Variants in PI4K2B observed in about 807,000 individuals in gnomAD.
PI4K2B encodes the protein phosphatidylinositol 4-kinase type 2-beta.
Under a neutral mutation model 56.6 loss-of-function variants are expected in PI4K2B, and 46 were observed. That is an observed-to-expected ratio of 0.81 (90% CI 0.64 to 1.04). The LOEUF is 1.04. Among genes scored for constraint, PI4K2B ranks in the 50% least tolerant of loss-of-function variants. The probability of loss-of-function intolerance (pLI) is 0.00; values close to 1 mark genes in which losing one functional copy is unlikely to be tolerated. For missense variants in PI4K2B, 556 were observed against 607.7 expected (o/e 0.91, Z 0.89); for synonymous variants, 211 against 223.8 (o/e 0.94, Z 0.51).
chr4:25,268,673 T>G (rs1716756133), intron 8 of PI4K2B, 97 bp downstream of exon 8: 1 of 779,368 alleles, frequency 1.3e-6, no homozygotes, highest in Admixed American at 3.3e-5. Flanking sequence ...ATTTCTTGTA[T>G]TGCTGCTTGC....
chr4:25,251,295 TGA>T (rs1716039556), intron 1 of PI4K2B, among the ~76,000 whole-genome samples: 2 of 152,088 alleles, frequency 1.3e-5, no homozygotes, highest in Non-Finnish European at 2.9e-5. Context: ...GATCCTCTCC[TGA>T]GAGAGAGGAT....
chr4:25,252,087 A>C (rs1716080222), intron 1 of PI4K2B, among the ~76,000 whole-genome samples: 1 of 152,122 alleles, frequency 6.6e-6, no homozygotes, highest in South Asian at 2.1e-4. Flanking sequence ...TCAGCCTCCT[A>C]AAGTGCTGGG....
chr4:25,256,605 CA>C lies in PI4K2B; in HGVS notation c.692del (p.Lys231SerfsTer4). The C allele has an allele frequency of 6.2e-7, 1 of 1,613,334 alleles. No individual in the cohort carries two copies. The highest frequency in any genetic ancestry group is 8.5e-7 in the Non-Finnish European group (1 of 1,179,650). On this transcript the variant is annotated frameshift_variant, in exon 4 of 10. Transcript: ENST00000264864. LOFTEE classifies it high-confidence loss of function. Reference sequence around the variant, plus strand: ...CGATTGACCGTGCAAAATCAAGAGGCAAAAAGTATGCTTTAGAAAAAGTGCC... The same window carrying C: ...CGATTGACCGTGCAAAATCAAGAGGCAAAAGTATGCTTTAGAAAAAGTGCC... ...NAIDRAKSRG[K>X]KYALEKVPKV... is the part of the protein sequence containing the mutation.
intron 3 of PI4K2B, among the ~76,000 whole-genome samples, chr4:25,255,589 A>T (rs1716234716): frequency 1.3e-5 from 2 of 152,224 alleles, no homozygotes; most frequent in Admixed American, 1.3e-4. Context: ...AAAGACTTGT[A>T]TTGTCCTTTC....
rs111726392 is a variant in PI4K2B at position 25,274,918 on chromosome 4, C to G, written c.1273-2096C>G. Among the ~76,000 whole-genome samples, 511 of 152,252 alleles carry G rather than the reference C, an allele frequency of 3.4e-3. 4 individuals are homozygous for G. Among genetic ancestry groups the G allele is most frequent in the African/African-American group, 0.011 (467 of 41,536 alleles). ...TCAAGCGATCCTTGTGCCCCAGCCT[C>G]CCTGATAGCTGGGATTACAGGCATG... On this transcript the variant is annotated intron_variant, in intron 9 of 9. Transcript: ENST00000264864.
chr4:25,240,966 C>T (rs1560366229), intron 1 of PI4K2B, among the ~76,000 whole-genome samples: 2 of 152,152 alleles, frequency 1.3e-5, no homozygotes, highest in South Asian at 4.1e-4. Flanking sequence ...TGGTCTTTCC[C>T]TGCCTCTGCC....
rs1192458566 is a variant in PI4K2B, at chr4:25,277,307, G to A, written c.*120G>A. Reference sequence around the variant, plus strand: ...AAAACCTCAATTTAAGTCTTTAAAAGGTTGTATTTTGAATGTAACCAAAAG... The same window carrying A: ...AAAACCTCAATTTAAGTCTTTAAAAAGTTGTATTTTGAATGTAACCAAAAG... On this transcript the variant is annotated 3_prime_UTR_variant, in exon 10 of 10. Transcript: ENST00000264864. 8.1e-7 allele frequency: 1 copy of A among 1,228,576 alleles called. No homozygotes were observed. The highest frequency in any genetic ancestry group is 1.1e-6 in the Non-Finnish European group (1 of 940,768). The allele number at this position is 1,228,576 out of a possible 1,614,324, so 76.1% of individuals were successfully genotyped here.
rs758355155 is a variant in PI4K2B at position 25,256,629 on chromosome 4, G to A, written c.711G>A (p.Val237=). 7.4e-6 allele frequency: 12 copies of A among 1,613,762 alleles called. No homozygotes were observed. The African/African-American group carries it at 9.3e-5, about 13-fold the overall frequency. The change falls in exon 4 of 10, where the codon GTG becomes GTA. Residue 237 remains valine, a synonymous_variant. Coordinates refer to ENST00000264864, the MANE Select transcript of PI4K2B (RefSeq NM_018323.4). ...SRGKKYALEK[V]PKVGRKFHRI... ...GCAAAAAGTATGCTTTAGAAAAAGTGCCAAAAGTGGGTAGAAAGTTTCATA... is the reference window on the plus strand; with the variant it reads ...GCAAAAAGTATGCTTTAGAAAAAGTACCAAAAGTGGGTAGAAAGTTTCATA...
intron 2 of PI4K2B, chr4:25,254,231 G>A (rs181630096): frequency 6.5e-6 from 1 of 154,196 alleles, no homozygotes; most frequent in East Asian, 1.9e-4. Flanking sequence ...CTGTTCATCA[G>A]ATACTGTTCT....
chr4:25,240,578 G>A (rs1715473998), intron 1 of PI4K2B, among the ~76,000 whole-genome samples: 1 of 152,146 alleles, frequency 6.6e-6, no homozygotes, highest in Non-Finnish European at 1.5e-5. Context: ...GTAATGTTGG[G>A]ACTTAGAAAG....
intron 9 of PI4K2B, among the ~76,000 whole-genome samples, chr4:25,274,681 C>G (rs992698236): frequency 6.6e-6 from 1 of 152,150 alleles, no homozygotes; most frequent in East Asian, 1.9e-4. Flanking sequence ...GCAGGATTAT[C>G]AAGTGTCTTC....
At chr4:25,262,117 T>TA (rs1560376776) in intron 6 of PI4K2B, among the ~76,000 whole-genome samples, 2 of 151,392 alleles carry the variant, frequency 1.3e-5, no homozygotes, top group South Asian at 2.1e-4. Flanking sequence ...TACAAAGAAT[T>TA]AAAAAAAAAT....
chr4:25,234,465 C>G lies in PI4K2B; in HGVS notation c.268+34C>G, dbSNP rs1309817661. ...CGGCCCTGCCCCACTCCCCGCGCCC[C>G]TCCGGGCGGCTGCCCCTGTCGCCCG... On this transcript the variant is annotated intron_variant, in intron 1 of 9. Transcript: ENST00000264864. The G allele has an allele frequency of 4.0e-6, 5 of 1,244,102 alleles. No individual in the cohort carries two copies. The East Asian group carries it at 1.6e-4, about 40-fold the overall frequency. 77.1% of individuals were successfully genotyped at this position (1,244,102 alleles called of 1,614,324 possible).
chr4:25,254,079 G>C (rs1275933572), intron 2 of PI4K2B, among the ~76,000 whole-genome samples: 2 of 152,130 alleles, frequency 1.3e-5, no homozygotes, highest in African/African-American at 4.8e-5. Flanking sequence ...CTTTAAATTG[G>C]TTCCTGAAAA....
intron 1 of PI4K2B, among the ~76,000 whole-genome samples, chr4:25,248,112 T>C (rs948275228): frequency 6.6e-6 from 1 of 152,248 alleles, no homozygotes; most frequent in South Asian, 2.1e-4. Context: ...AAAGAGTTTA[T>C]TTTGATTTAT....
chr4:25,266,847 G>A lies in PI4K2B; in HGVS notation c.1079-1596G>A, dbSNP rs570687769. 1.4e-4 allele frequency among the ~76,000 whole-genome samples: 21 copies of A among 152,228 alleles called. No individual in the cohort carries two copies. The South Asian group carries it at 4.4e-3, about 32-fold the overall frequency. ...CATGGTAGTGTTTGCTATTACTGAG[G>A]AAAATCACAGAGAACAAACACTATT... On this transcript the variant is annotated intron_variant, in intron 7 of 9. Coordinates refer to ENST00000264864, the MANE Select transcript of PI4K2B (RefSeq NM_018323.4).
intron 2 of PI4K2B, chr4:25,254,362 C>A: frequency 3.5e-6 from 3 of 864,252 alleles, no homozygotes; most frequent in Non-Finnish European, 4.2e-6. Context: ...AATAATAACA[C>A]TGTTTGACCT....
chr4:25,265,913 G>A (rs1716648591), intron 7 of PI4K2B, among the ~76,000 whole-genome samples: 1 of 152,086 alleles, frequency 6.6e-6, no homozygotes, highest in Admixed American at 6.5e-5. Context: ...ATTTTCAGAG[G>A]AAATTAATGA....
rs1012979867 is a variant in PI4K2B, at chr4:25,278,156, T to A, written c.*969T>A. The A allele has an allele frequency of 1.3e-5, 2 of 152,214 alleles. No homozygotes were observed. The highest frequency in any genetic ancestry group is 4.8e-5 in the African/African-American group (2 of 41,456). The allele number at this position is 152,214 out of a possible 1,614,324, so 9.4% of individuals were successfully genotyped here. A position where few individuals can be genotyped will look rare whatever the true frequency, so the allele number is the denominator to read the frequency against. On this transcript the variant is annotated 3_prime_UTR_variant, in exon 10 of 10. Transcript: ENST00000264864. ...AGATGTTATTATAATTACAGTCAAA[T>A]GTAGACTATCAGGCCAAATTAAAGG... is the stretch of plus-strand genomic sequence containing the variant.
Sources: gnomAD v4.1 joint callset for allele counts (sites outside exome capture counted in the v4.1 genomes callset) on GRCh38, gnomAD v4.1.1 for gene constraint, MANE v1.5 for transcripts, NCBI Gene and HGNC (gene_info 2026-07-23, HGNC 2026-07-21) for gene names.